Variants in OPTN observed in about 807,000 individuals in gnomAD.
OPTN encodes the protein E3-14.7K-interacting protein.
OPTN carries 54 observed loss-of-function variants against 70.4 expected under a neutral mutation model. The observed-to-expected ratio is 0.77, with a 90% CI of 0.62 to 0.96. The LOEUF (loss-of-function observed/expected upper bound fraction) is 0.96, where lower values mean the gene tolerates loss of function less well. Ranked by LOEUF, OPTN falls within the 40% of genes least tolerant of loss-of-function variation. OPTN has a pLI of 0.00. For missense variants in OPTN, 624 were observed against 673.2 expected (o/e 0.93, Z 0.81); for synonymous variants, 256 against 248.5 (o/e 1.03, Z -0.28).
chr10:13,137,610 C>T lies in OPTN; in HGVS notation c.*744C>T, dbSNP rs548639428. On this transcript the variant is annotated 3_prime_UTR_variant, in exon 15 of 15. Coordinates refer to ENST00000378747, the MANE Select transcript of OPTN (RefSeq NM_001008212.2). ...GCTGTTTTTGAAGCATTTTTAAAAA[C>T]GAATTGTAGTTGTTTTTCTTCATTT... 18 of 230,676 alleles carry T rather than the reference C, an allele frequency of 7.8e-5. No individual in the cohort carries two copies. The highest frequency in any genetic ancestry group is 1.3e-3 in the Middle Eastern group (1 of 784). The allele number at this position is 230,676 out of a possible 1,614,324, so 14.3% of individuals were successfully genotyped here. A position where few individuals can be genotyped will look rare whatever the true frequency, so the allele number is the denominator to read the frequency against.
chr10:13,111,844 G>GT (rs34942122), intron 4 of OPTN, among the ~76,000 whole-genome samples: 25,803 of 87,742 alleles, frequency 0.29, 5,324 homozygotes, highest in African/African-American at 0.36. Context: ...TTTTTTGACT[G>GT]TTTTTTTTTT....
At chr10:13,125,713 G>A (rs1040132815) in intron 10 of OPTN, 146 bp downstream of exon 10, 17 of 946,400 alleles carry the variant, frequency 1.8e-5, no homozygotes, top group South Asian at 3.2e-5. Flanking sequence ...CTCTCAGAGA[G>A]GGGGATAAAA....
intron 5 of OPTN, 43 bp from the exon 6 acceptor site, chr10:13,116,224 G>A: frequency 8.1e-7 from 1 of 1,232,164 alleles, no homozygotes; most frequent in Non-Finnish European, 1.2e-6. Flanking sequence ...AATTTGTCTT[G>A]TAGACATATT....
At chr10:13,134,849 A>G (rs1564370055) in intron 14 of OPTN, among the ~76,000 whole-genome samples, 2 of 152,220 alleles carry the variant, frequency 1.3e-5, no homozygotes, top group South Asian at 2.1e-4. Context: ...CCTTCTCAGA[A>G]GCAGAGGCAA....
intron 12 of OPTN, among the ~76,000 whole-genome samples, chr10:13,130,424 CAAAAAAAAAAAAAAA>C (rs1178080754): frequency 1.2e-4 from 6 of 51,772 alleles, no homozygotes; most frequent in South Asian, 1.1e-3. Flanking sequence ...GACTCTATCT[CAAAAAAAAAAAAAAA>C]AAAAAAAAAA....
intron 1 of OPTN, chr10:13,104,732 C>T (rs974524081): frequency 7.3e-6 from 5 of 680,976 alleles, no homozygotes; most frequent in Non-Finnish European, 1.4e-5. Flanking sequence ...GTGTCTGCCA[C>T]CATTTAATTT....
chr10:13,103,135 AGTGT>A (rs1832786374), intron 1 of OPTN, among the ~76,000 whole-genome samples: 1 of 152,036 alleles, frequency 6.6e-6, no homozygotes, highest in African/African-American at 2.4e-5. Context: ...TATCCCTTCT[AGTGT>A]GTAATGACGA....
intron 14 of OPTN, among the ~76,000 whole-genome samples, chr10:13,134,104 C>T (rs971895306): frequency 2.0e-5 from 3 of 152,216 alleles, no homozygotes; most frequent in Non-Finnish European, 2.9e-5. Context: ...CCACTGTACC[C>T]GGCCTACAGC....
intron 5 of OPTN, among the ~76,000 whole-genome samples, chr10:13,115,221 T>TATAGA (rs1833144207): frequency 2.7e-5 from 1 of 37,176 alleles, no homozygotes; most frequent in Non-Finnish European, 4.5e-5. Flanking sequence ...ATATATATAT[T>TATAGA]TATATATAGA....
chr10:13,135,310 G>T (rs762624656), intron 14 of OPTN, among the ~76,000 whole-genome samples: 12 of 152,046 alleles, frequency 7.9e-5, no homozygotes, highest in Non-Finnish European at 1.3e-4. Flanking sequence ...GGCTTATTTC[G>T]AACATGCTCT....
At chr10:13,123,425 G>C (rs1370908836) in intron 8 of OPTN, among the ~76,000 whole-genome samples, 1 of 152,172 alleles carries the variant, frequency 6.6e-6, no homozygotes, top group Non-Finnish European at 1.5e-5. Flanking sequence ...CCTTACTGTT[G>C]AAAGAAGAGA....
chr10:13,117,383 A>T, intron 6 of OPTN, among the ~76,000 whole-genome samples: 1 of 129,070 alleles, frequency 7.7e-6, no homozygotes, highest in Non-Finnish European at 1.6e-5. Flanking sequence ...CCCGGCCAGG[A>T]TCTCTTATCT....
At position 13,137,949 on chromosome 10, in the gene OPTN, G is replaced by A. The variant is rs557854344; in HGVS notation, c.*1083G>A. ...TATATCTTCATAATCACAAGAATTA[G>A]TGATGGCAAAATAAAATTTTGCTTA... is the stretch of plus-strand genomic sequence containing the variant. On this transcript the variant is annotated 3_prime_UTR_variant, in exon 15 of 15. Transcript: ENST00000378747. 1 of 215,040 alleles carries A rather than the reference G, an allele frequency of 4.7e-6. No individual in the cohort carries two copies. Among genetic ancestry groups the A allele is most frequent in the Non-Finnish European group, 9.4e-6 (1 of 106,720 alleles). The allele number at this position is 215,040 out of a possible 1,614,324, so 13.3% of individuals were successfully genotyped here.
At chr10:13,121,238 C>A (rs574076754) in intron 7 of OPTN, among the ~76,000 whole-genome samples, 2 of 152,104 alleles carry the variant, frequency 1.3e-5, no homozygotes, top group Non-Finnish European at 2.9e-5. Context: ...AAATTGCACT[C>A]GAGAGATAGT....
intron 12 of OPTN, among the ~76,000 whole-genome samples, chr10:13,130,424 CAAAAAAAAAAAAAA>C (rs1178080754): frequency 7.7e-5 from 4 of 51,756 alleles, no homozygotes; most frequent in East Asian, 1.5e-3. Context: ...GACTCTATCT[CAAAAAAAAAAAAAA>C]AAAAAAAAAA....
chr10:13,118,944 A>C lies in OPTN; in HGVS notation c.683A>C (p.His228Pro), dbSNP rs762634819. The change falls in exon 7 of 15, where the codon CAT (histidine) becomes CCT (proline). Residue 228 changes from histidine (H) to proline (P), a missense_variant. Physicochemically the swap from His to Pro is moderately conservative, Grantham distance 77 (BLOSUM62 -2). Transcript: ENST00000378747. ...GATGGGGCCAAGAATTACTTCGAAC[A>C]TGAGGAGTTAACTGTGAGCCAGCTC... Reference protein sequence around the residue: ...SADGAKNYFEHEELTVSQLLL... With the variant: ...SADGAKNYFEPEELTVSQLLL... 6.2e-7 allele frequency: 1 copy of C among 1,614,040 alleles called. No homozygotes were observed. The highest frequency in any genetic ancestry group is 1.7e-5 in the Admixed American group (1 of 60,024).
chr10:13,104,304 G>A (rs919183046), intron 1 of OPTN, among the ~76,000 whole-genome samples: 7 of 131,918 alleles, frequency 5.3e-5, no homozygotes, highest in Non-Finnish European at 7.7e-5. Flanking sequence ...CTGTCACCCA[G>A]GCTGGAGTGC....
rs754564406 is a variant in OPTN, at chr10:13,109,291, G to A, written c.166+3G>A. 1.9e-6 allele frequency: 3 copies of A among 1,613,868 alleles called. No individual in the cohort carries two copies. Among genetic ancestry groups the A allele is most frequent in the Non-Finnish European group, 2.5e-6 (3 of 1,179,908 alleles). ...GACCGAGAACCACCAGCTGAAAGGT[G>A]AGCAGGGCTGGCCCCTGTGTGCCCC... On this transcript the variant is annotated splice_donor_region_variant and intron_variant, in intron 3 of 14. Coordinates refer to ENST00000378747, the MANE Select transcript of OPTN (RefSeq NM_001008212.2).
At chr10:13,129,789 T>C (rs1462470950) in intron 12 of OPTN, among the ~76,000 whole-genome samples, 1 of 152,204 alleles carries the variant, frequency 6.6e-6, no homozygotes, top group Non-Finnish European at 1.5e-5. Context: ...TTTAAAAACC[T>C]TGGCCAATCT....
Sources: allele counts gnomAD v4.1 joint callset (sites outside exome capture counted in the v4.1 genomes callset), GRCh38; gene constraint gnomAD v4.1.1; transcripts MANE v1.5; gene names NCBI Gene and HGNC (gene_info 2026-07-23, HGNC 2026-07-21).